The following HORMAD2 variants were observed in gnomAD, a reference collection of about 807,000 sequenced individuals.
HORMAD2 encodes the protein HORMA domain-containing protein 2.
HORMAD2 carries 45 observed loss-of-function variants against 38.8 expected under a neutral mutation model. The ratio of observed to expected loss-of-function variants is 1.16; its 90% CI spans 0.91 to 1.49. The LOEUF (loss-of-function observed/expected upper bound fraction) is 1.49, where lower values mean the gene tolerates loss of function less well. Among genes scored for constraint, HORMAD2 ranks in the 40% most tolerant of loss-of-function variants. The pLI is 0.00. For synonymous variants in HORMAD2, 126 were observed against 122.8 expected (o/e 1.03, Z -0.17); for missense variants, 338 against 367.0 (o/e 0.92, Z 0.65).
intron 10 of HORMAD2, among the ~76,000 whole-genome samples, chr22:30,123,148 A>G (rs999480377): frequency 1.3e-5 from 2 of 152,186 alleles, no homozygotes; most frequent in Admixed American, 6.5e-5. Context: ...AATGTAAATA[A>G]TATAACCAAA....
the HORMAD2 span, among the ~76,000 whole-genome samples, chr22:30,187,560 C>G: frequency 1.3e-5 from 2 of 150,596 alleles, no homozygotes; most frequent in Non-Finnish European, 3.0e-5. Context: ...TTTCAATTAA[C>G]TATGCTTTGT....
At chr22:30,104,772 A>G (rs1921061789) in intron 5 of HORMAD2, among the ~76,000 whole-genome samples, 1 of 152,224 alleles carries the variant, frequency 6.6e-6, no homozygotes. Context: ...TGGTGATTCA[A>G]TTTGCAGATA....
chr22:30,087,379 T>C (rs930974880), intron 1 of HORMAD2, among the ~76,000 whole-genome samples: 1 of 152,134 alleles, frequency 6.6e-6, no homozygotes, highest in African/African-American at 2.4e-5. Context: ...GTCAGCAACT[T>C]CTGAGAGAGA....
chr22:30,083,623 C>CT (rs112657704), intron 1 of HORMAD2, among the ~76,000 whole-genome samples: 83 of 151,118 alleles, frequency 5.5e-4, no homozygotes, highest in Admixed American at 3.6e-3. Context: ...AGGAGTCTGG[C>CT]TTTTTTTTTG....
At position 30,112,541 on chromosome 22, in the gene HORMAD2, G is replaced by A. The variant is rs946294180; in HGVS notation, c.342+19G>A. 1.1e-5 allele frequency: 13 copies of A among 1,178,786 alleles called. No individual in the cohort carries two copies. The highest frequency in any genetic ancestry group is 4.9e-5 in the African/African-American group (3 of 60,802). 73.0% of individuals were successfully genotyped at this position (1,178,786 alleles called of 1,614,324 possible). Reference sequence around the variant, plus strand: ...ATCTGAGGTAAGAACACACACAAACGTATAGGTGGGTAGTATATGTATATT... The same window carrying A: ...ATCTGAGGTAAGAACACACACAAACATATAGGTGGGTAGTATATGTATATT... On this transcript the variant is annotated intron_variant, in intron 7 of 10. Transcript: ENST00000336726.
At chr22:30,129,084 G>T (rs1923078901) in intron 10 of HORMAD2, among the ~76,000 whole-genome samples, 1 of 151,836 alleles carries the variant, frequency 6.6e-6, no homozygotes, top group Non-Finnish European at 1.5e-5. Flanking sequence ...CAGGCGTGGT[G>T]GTGGGCACCT....
chr22:30,135,084 T>C (rs543403326), intron 10 of HORMAD2, among the ~76,000 whole-genome samples: 1 of 151,842 alleles, frequency 6.6e-6, no homozygotes, highest in Non-Finnish European at 1.5e-5. Flanking sequence ...TCTGTCTGGC[T>C]CCAAAACTCA....
intron 4 of HORMAD2, among the ~76,000 whole-genome samples, chr22:30,103,893 C>A (rs753898418): frequency 8.6e-5 from 13 of 151,594 alleles, no homozygotes; most frequent in Non-Finnish European, 2.9e-5. Context: ...ATCTCTTGAC[C>A]TCATGATCCA....
chr22:30,104,344 G>T, intron 4 of HORMAD2, 57 bp from the exon 5 acceptor site: 1 of 1,426,982 alleles, frequency 7.0e-7, no homozygotes, highest in South Asian at 1.2e-5. Flanking sequence ...TCTGTACTTG[G>T]AATTTTTTTG....
intron 10 of HORMAD2, among the ~76,000 whole-genome samples, chr22:30,147,419 A>G (rs1435708215): frequency 7.8e-6 from 1 of 128,648 alleles, no homozygotes; most frequent in Non-Finnish European, 1.8e-5. Context: ...AGTCATATGG[A>G]AAAAAAAATG....
intron 8 of HORMAD2, among the ~76,000 whole-genome samples, chr22:30,120,086 A>G (rs1173745936): frequency 6.6e-6 from 1 of 152,238 alleles, no homozygotes; most frequent in Non-Finnish European, 1.5e-5. Flanking sequence ...TGGCCAGATT[A>G]AACTCTTTTG....
chr22:30,202,290 C>A, the HORMAD2 span, among the ~76,000 whole-genome samples: 26 of 151,960 alleles, frequency 1.7e-4, no homozygotes, highest in African/African-American at 2.4e-5. Context: ...GTTGGCACGT[C>A]GGTCAAATTG....
chr22:30,140,229 A>G (rs2030453321), intron 10 of HORMAD2, among the ~76,000 whole-genome samples: 1 of 152,112 alleles, frequency 6.6e-6, no homozygotes, highest in African/African-American at 2.4e-5. Flanking sequence ...GCGCCAGTGC[A>G]CTCCAGCCTG....
In HORMAD2 at chr22:30,119,015, C is replaced by T. The variant is rs1393337565; in HGVS notation, c.378C>T (p.Tyr126=). ...AGATGTACCAGTTCAAATTCAAATA[C>T]ACGAAAGAAGGAGCCACTATGGATT... ...VTEMYQFKFK[Y]TKEGATMDFD... The change falls in exon 8 of 11, where the codon TAC becomes TAT. Residue 126 remains tyrosine (Y), a synonymous_variant. Transcript: ENST00000336726. 5.0e-6 allele frequency: 8 copies of T among 1,590,554 alleles called. No homozygotes were observed. The highest frequency in any genetic ancestry group is 1.1e-5 in the South Asian group (1 of 87,426).
intron 10 of HORMAD2, among the ~76,000 whole-genome samples, chr22:30,134,074 A>C (rs545262135): frequency 6.6e-6 from 1 of 152,258 alleles, no homozygotes; most frequent in South Asian, 2.1e-4. Context: ...ACAAGGCTAC[A>C]TGAAGCTCAT....
the HORMAD2 span, among the ~76,000 whole-genome samples, chr22:30,198,162 C>A: frequency 2.6e-5 from 4 of 152,234 alleles, no homozygotes; most frequent in Admixed American, 2.6e-4. Context: ...CCAGCCCGGG[C>A]AACACTTGCT....
chr22:30,151,493 T>A (rs1353425059), intron 10 of HORMAD2, among the ~76,000 whole-genome samples: 1 of 152,192 alleles, frequency 6.6e-6, no homozygotes, highest in Non-Finnish European at 1.5e-5. Context: ...AAAGTATTGC[T>A]TAAGAATTTC....
chr22:30,110,675 C>T (rs577069448), intron 5 of HORMAD2, among the ~76,000 whole-genome samples: 8 of 151,944 alleles, frequency 5.3e-5, no homozygotes, highest in East Asian at 3.9e-4. Flanking sequence ...CGTGAACCAC[C>T]GCACCCGGCC....
In HORMAD2 at chr22:30,165,922, A is replaced by C. The variant is rs368503686; in HGVS notation, c.820-10141A>C. Among the ~76,000 whole-genome samples, 247 of 151,300 alleles carry C rather than the reference A, an allele frequency of 1.6e-3. 1 individual carries two copies. Among genetic ancestry groups the C allele is most frequent in the African/African-American group, 5.7e-3 (236 of 41,330 alleles). On this transcript the variant is annotated intron_variant, in intron 10 of 10. Coordinates refer to ENST00000336726, the MANE Select transcript of HORMAD2 (RefSeq NM_152510.4). Reference sequence around the variant, plus strand: ...TCTGGTAGGGTAACTGTTTCCCCTCATTCTTCTTCTTTTTGTTTATTCCCT... The same window carrying C: ...TCTGGTAGGGTAACTGTTTCCCCTCCTTCTTCTTCTTTTTGTTTATTCCCT...
Sources: allele counts gnomAD v4.1 joint callset (sites outside exome capture counted in the v4.1 genomes callset), GRCh38; gene constraint gnomAD v4.1.1; transcripts MANE v1.5; gene names NCBI Gene and HGNC (gene_info 2026-07-23, HGNC 2026-07-21).